NLRC5: variants seen among roughly 807,000 people sequenced by gnomAD.
NLRC5 encodes NLR family CARD domain containing 5, also known as protein NLRC5.
A neutral mutation model predicts 206.9 loss-of-function variants in NLRC5; 114 were observed. That is an observed-to-expected ratio of 0.55 (90% CI 0.47 to 0.64). The LOEUF (loss-of-function observed/expected upper bound fraction) is 0.64, where lower values mean the gene tolerates loss of function less well. Ranked by LOEUF, NLRC5 falls within the 30% of genes least tolerant of loss-of-function variation. The pLI is 0.00. For missense variants in NLRC5, 2,008 were observed against 2,305.5 expected, an observed-to-expected ratio of 0.87 and a Z score of 2.64; for synonymous variants, 952 against 962.8, an observed-to-expected ratio of 0.99 and a Z score of 0.21.
chr16:56,990,236 C>T (rs1281697884), intron 1 of NLRC5, among the ~76,000 whole-genome samples: 1 of 152,122 alleles, frequency 6.6e-6, no homozygotes, highest in African/African-American at 2.4e-5. Flanking sequence ...CAATCTCCAC[C>T]GCTGGTTATT....
At chr16:57,035,756 C>A (rs2062479307) in intron 13 of NLRC5, among the ~76,000 whole-genome samples, 1 of 152,194 alleles carries the variant, frequency 6.6e-6, no homozygotes, top group Non-Finnish European at 1.5e-5. Flanking sequence ...GAGGGTGGGG[C>A]CTTGAAGGCA....
intron 6 of NLRC5, among the ~76,000 whole-genome samples, chr16:57,027,468 A>G (rs1353662863): frequency 2.0e-5 from 3 of 152,264 alleles, no homozygotes; most frequent in Non-Finnish European, 4.4e-5. Context: ...CTCAGTGTGC[A>G]TATTAGCTAG....
chr16:57,029,381 G>A (rs1049851694), intron 8 of NLRC5, among the ~76,000 whole-genome samples: 18 of 152,260 alleles, frequency 1.2e-4, no homozygotes, highest in Non-Finnish European at 5.9e-5. Flanking sequence ...GGCCACAGCC[G>A]AGGCTGGAAG....
intron 38 of NLRC5, among the ~76,000 whole-genome samples, chr16:57,072,009 C>T (rs1279947354): frequency 6.6e-6 from 1 of 152,034 alleles, no homozygotes; most frequent in East Asian, 1.9e-4. Flanking sequence ...CCAGCAAGAA[C>T]CTTGGTCATA....
chr16:57,079,640 G>A lies in NLRC5; in HGVS notation c.5321+11G>A, dbSNP rs199476020. On this transcript the variant is annotated intron_variant, in intron 46 of 48. Coordinates refer to ENST00000688547, the MANE Select transcript of NLRC5 (RefSeq NM_001384950.1). ...CCTGGAAGTAATCTTGTGAGTGATT[G>A]GAAGAGCCCTGAGCTGGCTGGGAAA... 1.7e-4 allele frequency: 275 copies of A among 1,612,762 alleles called. 1 individual carries two copies. In the African/African-American group the frequency reaches 2.9e-3, roughly 17 times the overall value.
intron 32 of NLRC5, chr16:57,062,093 A>G (rs949772040): frequency 1.7e-6 from 2 of 1,197,070 alleles, no homozygotes; most frequent in Non-Finnish European, 1.1e-6. Flanking sequence ...TCCTATTCCC[A>G]GAACCTAGGT....
rs1465805330 is a variant in NLRC5 at position 57,055,461 on chromosome 16, G to A, written c.3688G>A (p.Glu1230Lys). 15 of 1,613,858 alleles carry A rather than the reference G, an allele frequency of 9.3e-6. No individual in the cohort carries two copies. The highest frequency in any genetic ancestry group is 1.2e-5 in the Non-Finnish European group (14 of 1,179,972). Residue 1230 changes from glutamate to lysine, a missense_variant, in exon 27 of 49, where the codon GAG becomes AAG. Transcript: ENST00000688547. ...GTTCACAGGCTGCAGCCTCAGCCAGGAGCACGTAGAGTCACTCTGCTGGTT... is the reference window on the plus strand; with the variant it reads ...GTTCACAGGCTGCAGCCTCAGCCAGAAGCACGTAGAGTCACTCTGCTGGTT... ...GRFTGCSLSQ[E>K]HVESLCWLLS...
chr16:56,998,216 T>G (rs1292049207), intron 1 of NLRC5, among the ~76,000 whole-genome samples: 1 of 151,074 alleles, frequency 6.6e-6, no homozygotes, highest in East Asian at 1.9e-4. Context: ...TTTTTTACTT[T>G]AAAAAAATGT....
chr16:57,070,589 T>C lies in NLRC5; in HGVS notation c.4638T>C (p.Leu1546=). ...GCACCAAGGCGCTGATGAGGGCCCT[T>C]GAGGGGAAATGGATGCTAAAGAGGC... ...EEGTKALMRA[L]EGKWMLKRLD... is the part of the protein sequence containing the mutation. The change falls in exon 38 of 49, where the codon CTT becomes CTC. Residue 1546 remains leucine, a synonymous_variant. Transcript: ENST00000688547. 1 of 1,614,056 alleles carries C rather than the reference T, an allele frequency of 6.2e-7. No homozygotes were observed. Among genetic ancestry groups the C allele is most frequent in the Non-Finnish European group, 8.5e-7 (1 of 1,179,984 alleles).
chr16:57,002,578 G>A (rs2058387218), intron 1 of NLRC5, among the ~76,000 whole-genome samples: 1 of 151,814 alleles, frequency 6.6e-6, no homozygotes. Context: ...CCTTTCTTTT[G>A]GGTATATACC....
intron 1 of NLRC5, among the ~76,000 whole-genome samples, chr16:56,994,438 T>C (rs1295324776): frequency 1.3e-5 from 2 of 152,148 alleles, no homozygotes. Context: ...CAGGCCCTGC[T>C]CTAGGCACTG....
intron 32 of NLRC5, 94 bp downstream of exon 32, chr16:57,061,795 A>C: frequency 6.5e-7 from 1 of 1,547,044 alleles, no homozygotes; most frequent in Non-Finnish European, 8.7e-7. Flanking sequence ...TCATGGCCCC[A>C]GTCATTTCCT....
chr16:57,072,833 T>A (rs2067945454), intron 38 of NLRC5, among the ~76,000 whole-genome samples: 1 of 152,218 alleles, frequency 6.6e-6, no homozygotes, highest in Admixed American at 6.5e-5. Context: ...TTTCTACATA[T>A]GTTTTGAATT....
chr16:57,078,490 T>TTTTTTTTTTTTTTTTTTTTG (rs2068720767), intron 43 of NLRC5, among the ~76,000 whole-genome samples: 1 of 140,382 alleles, frequency 7.1e-6, no homozygotes, highest in African/African-American at 2.7e-5. Context: ...TTTTTTTTTT[T>TTTTTTTTTTTTTTTTTTTTG]AGATGGAGTC....
At chr16:57,012,190 G>C (rs569951598) in intron 1 of NLRC5, among the ~76,000 whole-genome samples, 46 of 152,200 alleles carry the variant, frequency 3.0e-4, no homozygotes, top group African/African-American at 1.1e-3. Flanking sequence ...CATAAACTTG[G>C]TTCCTTTTTA....
chr16:57,075,165 T>G (rs546929739), intron 39 of NLRC5, among the ~76,000 whole-genome samples: 2 of 152,078 alleles, frequency 1.3e-5, no homozygotes, highest in East Asian at 3.9e-4. Context: ...CTCACCCTCC[T>G]AAGCAGCTGG....
intron 2 of NLRC5, among the ~76,000 whole-genome samples, chr16:57,018,087 G>C (rs2060273385): frequency 6.6e-6 from 1 of 152,240 alleles, no homozygotes; most frequent in Non-Finnish European, 1.5e-5. Context: ...GGAGAAATTT[G>C]AGGATGAGAA....
chr16:57,074,512 G>A, intron 38 of NLRC5, 88 bp from the exon 39 acceptor site: 1 of 1,145,048 alleles, frequency 8.7e-7, no homozygotes, highest in East Asian at 2.4e-5. Flanking sequence ...GAGGTCCCTA[G>A]GCTTGCTAAG....
At chr16:57,080,904 G>A (rs2069052046) in intron 46 of NLRC5, 194 bp from the exon 47 acceptor site, 2 of 548,828 alleles carry the variant, frequency 3.6e-6, no homozygotes, top group South Asian at 4.8e-5. Context: ...AACTTGACGG[G>A]GAGGGGAGCA....
Sources: allele counts gnomAD v4.1 joint callset (sites outside exome capture counted in the v4.1 genomes callset), GRCh38; gene constraint gnomAD v4.1.1; transcripts MANE v1.5; gene names NCBI Gene and HGNC (gene_info 2026-07-23, HGNC 2026-07-21).